The following MARS1 variants were observed in gnomAD, a reference collection of about 807,000 sequenced individuals.
MARS1 encodes methionyl-tRNA synthetase 1.
MARS1 carries 80 observed loss-of-function variants against 119.5 expected under a neutral mutation model. The ratio of observed to expected loss-of-function variants is 0.67; its 90% CI spans 0.56 to 0.81. The LOEUF is 0.81. Among genes scored for constraint, MARS1 ranks in the 30% least tolerant of loss-of-function variants. The pLI is 0.00. For synonymous variants in MARS1, 418 were observed against 433.4 expected (o/e 0.96, Z 0.44); for missense variants, 945 against 1,116.5 (o/e 0.85, Z 2.19).
chr12:57,493,883 A>G (rs1284054363), intron 7 of MARS1, among the ~76,000 whole-genome samples: 4 of 57,382 alleles, frequency 7.0e-5, no homozygotes, highest in Non-Finnish European at 1.2e-4. Flanking sequence ...TATATAATAT[A>G]TAATATATAT....
At position 57,489,125 on chromosome 12, in the gene MARS1, T is replaced by C; in HGVS notation, c.200+16T>C. On this transcript the variant is annotated intron_variant, in intron 2 of 20. Transcript: ENST00000262027. ...CAATCTGCCGGTCAGTATTGGTCCT[T>C]GGTGTAGGGAGGTGGCTGAATCAAA... 6.2e-7 allele frequency: 1 copy of C among 1,612,768 alleles called. No homozygotes were observed. The highest frequency in any genetic ancestry group is 8.5e-7 in the Non-Finnish European group (1 of 1,178,856).
At chr12:57,493,812 ATATT>A (rs1876368848) in intron 7 of MARS1, among the ~76,000 whole-genome samples, 1 of 1,214 alleles carries the variant, frequency 8.2e-4, no homozygotes, top group Non-Finnish European at 2.4e-3. Flanking sequence ...TATATAATGT[ATATT>A]ATATATATTA....
At chr12:57,515,772 A>G in intron 18 of MARS1, 148 bp from the exon 19 acceptor site, 15 of 672,518 alleles carry the variant, frequency 2.2e-5, no homozygotes, top group South Asian at 1.3e-4. Flanking sequence ...AGCTACAGCT[A>G]ATTTCCTAAA....
Position 57,512,246 on chromosome 12 carries a change from A to G in MARS1, c.1646A>G (p.Tyr549Cys). The change falls in exon 14 of 21, where the codon TAT becomes TGT. Residue 549 changes from tyrosine (Y) to cysteine (C), a missense_variant. By Grantham distance (194) the Tyr-to-Cys change is radical (BLOSUM62 -2). Transcript: ENST00000262027. ...WWKNPEQVDL[Y>C]QFMAKDNVPF... is the part of the protein sequence containing the mutation. ...ACCACATTCCCCTAGGTGGACCTGT[A>G]TCAGTTCATGGCCAAAGACAATGTT... 6.2e-7 allele frequency: 1 copy of G among 1,613,868 alleles called. No individual in the cohort carries two copies. Among genetic ancestry groups the G allele is most frequent in the Non-Finnish European group, 8.5e-7 (1 of 1,179,730 alleles).
At chr12:57,510,572 A>G (rs1385799896) in intron 11 of MARS1, among the ~76,000 whole-genome samples, 1 of 151,794 alleles carries the variant, frequency 6.6e-6, no homozygotes, top group Non-Finnish European at 1.5e-5. Context: ...GGAGTTTAAG[A>G]CCAGCCTGGG....
intron 9 of MARS1, 36 bp from the exon 10 acceptor site, chr12:57,500,285 G>C (rs1490456127): frequency 6.3e-7 from 1 of 1,592,662 alleles, no homozygotes; most frequent in Non-Finnish European, 8.6e-7. Flanking sequence ...CACGTCTTCT[G>C]ACTGTCTCTT....
At chr12:57,493,856 AT>A (rs1232141470) in intron 7 of MARS1, among the ~76,000 whole-genome samples, 4 of 5,168 alleles carry the variant, frequency 7.7e-4, no homozygotes, top group Non-Finnish European at 8.3e-3. Context: ...TAATATATAT[AT>A]TTATATTATA....
chr12:57,495,554 C>T lies in MARS1; in HGVS notation c.771-2603C>T, dbSNP rs1254259028. On this transcript the variant is annotated intron_variant, in intron 7 of 20. Coordinates refer to ENST00000262027, the MANE Select transcript of MARS1 (RefSeq NM_004990.4). ...GCAGAGGGGCTCCTCACATCCCAGA[C>T]GATGGGCAGCCAGGCTGAGACGCTC... 5.4e-5 allele frequency among the ~76,000 whole-genome samples: 8 copies of T among 148,964 alleles called. No homozygotes were observed. The East Asian group carries it at 6.0e-4, about 11-fold the overall frequency.
intron 11 of MARS1, among the ~76,000 whole-genome samples, chr12:57,510,766 A>AT (rs545131556): frequency 1.2e-4 from 18 of 151,938 alleles, no homozygotes; most frequent in Non-Finnish European, 2.4e-4. Flanking sequence ...CCCTGTCTGT[A>AT]TTTAAAAAAA....
chr12:57,510,188 A>C (rs1161560025), intron 11 of MARS1, among the ~76,000 whole-genome samples: 1 of 152,160 alleles, frequency 6.6e-6, no homozygotes, highest in African/African-American at 2.4e-5. Context: ...ATTAAAAAAA[A>C]ATTGACTAGG....
intron 15 of MARS1, 101 bp from the exon 16 acceptor site, chr12:57,514,617 TGA>T: frequency 6.9e-7 from 1 of 1,457,190 alleles, no homozygotes; most frequent in Non-Finnish European, 9.5e-7. Flanking sequence ...GCAGGAATCC[TGA>T]GAGAATGTAC....
At chr12:57,497,338 A>G (rs1246555484) in intron 7 of MARS1, among the ~76,000 whole-genome samples, 5 of 152,212 alleles carry the variant, frequency 3.3e-5, no homozygotes, top group African/African-American at 9.6e-5. Flanking sequence ...ATTGGGATAT[A>G]TAGCAGCAGC....
At chr12:57,502,705 CAA>C (rs35515685) in intron 10 of MARS1, among the ~76,000 whole-genome samples, 1,155 of 47,974 alleles carry the variant, frequency 0.024, 17 homozygotes, top group African/African-American at 0.062. Context: ...GATTTTGTCT[CAA>C]AAAAAAAAAA....
chr12:57,512,741 C>A lies in MARS1; in HGVS notation c.1754-10C>A. 1 of 1,608,792 alleles carries A rather than the reference C, an allele frequency of 6.2e-7. No homozygotes were observed. Among genetic ancestry groups the A allele is most frequent in the Non-Finnish European group, 8.5e-7 (1 of 1,175,228 alleles). The stretch of plus-strand genomic sequence containing the variant: ...GAGCAGATGGTTCTCACTCATTCTC[C>A]TCTGTCCAGAGTACCTGAACTATGA... On this transcript the variant is annotated splice_polypyrimidine_tract_variant and intron_variant, in intron 14 of 20. Coordinates refer to ENST00000262027, the MANE Select transcript of MARS1 (RefSeq NM_004990.4).
At chr12:57,492,194 G>T (rs933362489) in intron 7 of MARS1, among the ~76,000 whole-genome samples, 5 of 151,234 alleles carry the variant, frequency 3.3e-5, no homozygotes, top group Non-Finnish European at 7.4e-5. Context: ...CAGGAGAATC[G>T]CTTGAACCTG....
chr12:57,505,264 C>T (rs1400559502), intron 11 of MARS1, among the ~76,000 whole-genome samples: 3 of 151,476 alleles, frequency 2.0e-5, no homozygotes, highest in Admixed American at 6.6e-5. Context: ...CAGGTTCAAG[C>T]GATTCCTCTG....
At chr12:57,493,293 TATATATATATA>T (rs1289118850) in intron 7 of MARS1, among the ~76,000 whole-genome samples, 1 of 110,306 alleles carries the variant, frequency 9.1e-6, no homozygotes, top group Non-Finnish European at 1.7e-5. Context: ...TTGTTTTGAG[TATATATATATA>T]ATATATATTA....
At chr12:57,488,253 C>G in intron 1 of MARS1, 54 bp downstream of exon 1, 1 of 1,520,192 alleles carries the variant, frequency 6.6e-7, no homozygotes, top group Non-Finnish European at 9.1e-7. Flanking sequence ...CCGAAACACG[C>G]CAGATTCTCT....
At chr12:57,504,012 A>G in intron 10 of MARS1, 1 of 578,906 alleles carries the variant, frequency 1.7e-6, no homozygotes, top group South Asian at 2.0e-5. Flanking sequence ...GTGATGGGAC[A>G]GAGATCTGAA....
Sources: gnomAD v4.1 joint callset for allele counts (sites outside exome capture counted in the v4.1 genomes callset) on GRCh38, gnomAD v4.1.1 for gene constraint, MANE v1.5 for transcripts, NCBI Gene and HGNC (gene_info 2026-07-23, HGNC 2026-07-21) for gene names.